The following ADAM30 variants were observed in gnomAD, a reference collection of about 807,000 sequenced individuals.
The protein encoded by ADAM30 is ADAM metallopeptidase domain 30, also known as disintegrin and metalloproteinase domain-containing protein 30.
For synonymous variants in ADAM30, 382 were observed against 340.9 expected (o/e 1.12, Z -1.33); for missense variants, 960 against 959.4 (o/e 1.00, Z -0.01).
Position 119,894,525 on chromosome 1 carries a change from A to C in ADAM30, c.1812T>G (p.Gly604=). The change falls in exon 1 of 1, where the codon GGT becomes GGG. Residue 604 remains glycine (G), a synonymous_variant. Coordinates refer to ENST00000369400, the MANE Select transcript of ADAM30 (RefSeq NM_021794.4). ...SMKPMGIPDL[G]MINDGTSCGE... ...CACAGGAGGTGCCATCATTTATCAT[A>C]CCTAGGTCAGGTATTCCCATGGGTT... 2 of 1,613,976 alleles carry C rather than the reference A, an allele frequency of 1.2e-6. No individual in the cohort carries two copies. The highest frequency in any genetic ancestry group is 1.7e-6 in the Non-Finnish European group (2 of 1,180,028).
Position 119,894,515 on chromosome 1 carries a change from C to CA in ADAM30, c.1821dup (p.Asp608Ter). 1 of 1,614,028 alleles carries CA rather than the reference C, an allele frequency of 6.2e-7. No individual in the cohort carries two copies. Among genetic ancestry groups the CA allele is most frequent in the Non-Finnish European group, 8.5e-7 (1 of 1,180,042 alleles). ...CGGCCTTCTCCACAGGAGGTGCCATCATTTATCATACCTAGGTCAGGTATT... is the reference window on the plus strand; with the variant it reads ...CGGCCTTCTCCACAGGAGGTGCCATCAATTTATCATACCTAGGTCAGGTATT... On this transcript the variant is annotated frameshift_variant, in exon 1 of 1. Coordinates refer to ENST00000369400, the MANE Select transcript of ADAM30 (RefSeq NM_021794.4). LOFTEE classifies it low-confidence loss of function (END_TRUNC).
Position 119,893,950 on chromosome 1 carries a change from T to C in ADAM30, c.*14A>G, listed in dbSNP as rs763234243. The C allele has an allele frequency of 8.9e-5, 142 of 1,599,618 alleles. No homozygotes were observed. In the Admixed American group the frequency reaches 2.5e-3, roughly 28 times the overall value. ...AAATGAGCCTGTGTTACTGAATGAG[T>C]ATGGATTGCCCGGTTACTTTTTTTG... On this transcript the variant is annotated 3_prime_UTR_variant, in exon 1 of 1. Coordinates refer to ENST00000369400, the MANE Select transcript of ADAM30 (RefSeq NM_021794.4).
Position 119,894,369 on chromosome 1 carries a change from C to T in ADAM30, c.1968G>A (p.Trp656Ter), listed in dbSNP as rs1365625701. Reference protein sequence around the residue: ...NRKNCHCMYGWAPPFCEEVGY... With the variant: ...NRKNCHCMYG ...CCACTTCCTCACAGAATGGAGGTGC[C>T]CACCCATACATGCAGTGGCAGTTTT... Residue 656 changes from tryptophan to a stop codon, truncating the protein, a stop_gained, in exon 1 of 1, where the codon TGG becomes TGA. Coordinates refer to ENST00000369400, the MANE Select transcript of ADAM30 (RefSeq NM_021794.4). LOFTEE classifies it low-confidence loss of function (END_TRUNC). The T allele has an allele frequency of 1.2e-6, 2 of 1,614,058 alleles. No homozygotes were observed. The highest frequency in any genetic ancestry group is 1.7e-6 in the Non-Finnish European group (2 of 1,180,044).
In ADAM30 at chr1:119,896,166, A is replaced by C. The variant is rs1648584315; in HGVS notation, c.171T>G (p.Gly57=). 1.2e-6 allele frequency: 2 copies of C among 1,614,036 alleles called. No individual in the cohort carries two copies. Among genetic ancestry groups the C allele is most frequent in the Non-Finnish European group, 1.7e-6 (2 of 1,180,028 alleles). ...GTAGGTAGGACACGGGACTGACCACACCCTGCACCTCTCCCCGGAAGCTCA... is the reference window on the plus strand; with the variant it reads ...GTAGGTAGGACACGGGACTGACCACCCCCTGCACCTCTCCCCGGAAGCTCA... ...EKLSFRGEVQ[G]VVSPVSYLLQ... The change falls in exon 1 of 1, where the codon GGT becomes GGG. Residue 57 remains glycine, a synonymous_variant. Coordinates refer to ENST00000369400, the MANE Select transcript of ADAM30 (RefSeq NM_021794.4).
chr1:119,894,498 TCC>T lies in ADAM30; in HGVS notation c.1837_1838del (p.Gly613ArgfsTer7). 6 of 1,614,068 alleles carry T rather than the reference TCC, an allele frequency of 3.7e-6. No individual in the cohort carries two copies. The highest frequency in any genetic ancestry group is 5.1e-6 in the Non-Finnish European group (6 of 1,180,036). On this transcript the variant is annotated frameshift_variant, in exon 1 of 1. Transcript: ENST00000369400. LOFTEE classifies it low-confidence loss of function (END_TRUNC). ...LGMINDGTSC[G>X]EGRVCFKKNC... is the part of the protein sequence containing the mutation. ...TTTTTTTAAAACATACCCGGCCTTC[TCC>T]ACAGGAGGTGCCATCATTTATCATA...
At position 119,895,566 on chromosome 1, in the gene ADAM30, T is replaced by C. The variant is rs587720609; in HGVS notation, c.771A>G (p.Thr257=). The C allele has an allele frequency of 6.2e-7, 1 of 1,613,882 alleles. No individual in the cohort carries two copies. Among genetic ancestry groups the C allele is most frequent in the Admixed American group, 1.7e-5 (1 of 60,028 alleles). Residue 257 remains threonine, a synonymous_variant, in exon 1 of 1, where the codon ACA becomes ACG. Transcript: ENST00000369400. ...ATCCAACGCGTATTTTGTTAAAATC[T>C]GTCCATACTTCAAGAGCCTTTAAGT... is the stretch of plus-strand genomic sequence containing the variant. ...RIHLKALEVW[T]DFNKIRVGYP...
chr1:119,894,067 G>T lies in ADAM30; in HGVS notation c.2270C>A (p.Thr757Asn). The stretch of plus-strand genomic sequence containing the variant: ...TTTTGCTTTAGATTCTTCCTGTCCA[G>T]TTTTTGCTTCAGATTCTTCCTGTCC... ...KTGQEESEAK[T>N]GQEESKAKTG... is the part of the protein sequence containing the mutation. The change falls in exon 1 of 1, where the codon ACT (threonine) becomes AAT (asparagine). Residue 757 changes from threonine (T) to asparagine (N), a missense_variant. Physicochemically the swap from Thr to Asn is moderately conservative, Grantham distance 65. Coordinates refer to ENST00000369400, the MANE Select transcript of ADAM30 (RefSeq NM_021794.4). 1 of 1,613,940 alleles carries T rather than the reference G, an allele frequency of 6.2e-7. No homozygotes were observed. The highest frequency in any genetic ancestry group is 8.5e-7 in the Non-Finnish European group (1 of 1,179,926).
chr1:119,894,532 T>C lies in ADAM30; in HGVS notation c.1805A>G (p.Asp602Gly), dbSNP rs1056205764. 2.5e-6 allele frequency: 4 copies of C among 1,613,822 alleles called. No individual in the cohort carries two copies. Among genetic ancestry groups the C allele is most frequent in the African/African-American group, 1.3e-5 (1 of 74,904 alleles). ...GGTGCCATCATTTATCATACCTAGG[T>C]CAGGTATTCCCATGGGTTTCATGGA... ...HLSMKPMGIP[D>G]LGMINDGTSC... Residue 602 changes from aspartate to glycine, a missense_variant, in exon 1 of 1, where the codon GAC (aspartate) becomes GGC (glycine). Asp to Gly is a moderately conservative substitution (Grantham distance 94). Transcript: ENST00000369400.
rs1648574804 is a variant in ADAM30 at position 119,895,984 on chromosome 1, T to A, written c.353A>T (p.Glu118Val). The change falls in exon 1 of 1, where the codon GAG becomes GTG. Residue 118 changes from glutamate to valine, a missense_variant. By Grantham distance (121) the Glu-to-Val change is moderately radical. Coordinates refer to ENST00000369400, the MANE Select transcript of ADAM30 (RefSeq NM_021794.4). The part of the protein sequence containing the change: ...KDCNYMGSVK[E>V]SLDSKATIST... ...TATAGTAGCTTTAGAGTCCAGAGAC[T>A]CTTTCACGGAGCCCATGTAGTTGCA... The A allele has an allele frequency of 5.0e-6, 8 of 1,614,186 alleles. No individual in the cohort carries two copies. The East Asian group carries it at 1.8e-4, about 36-fold the overall frequency.
In ADAM30 at chr1:119,895,238, G is replaced by T; in HGVS notation, c.1099C>A (p.Arg367Ser). 1 of 1,614,118 alleles carries T rather than the reference G, an allele frequency of 6.2e-7. No homozygotes were observed. The highest frequency in any genetic ancestry group is 1.1e-5 in the South Asian group (1 of 91,072). Residue 367 changes from arginine (R) to serine (S), a missense_variant, in exon 1 of 1, where the codon CGC becomes AGC. Physicochemically the swap from Arg to Ser is moderately radical, Grantham distance 110 (BLOSUM62 -1). Transcript: ENST00000369400. The stretch of plus-strand genomic sequence containing the variant: ...TAACTGCAATTGCTAAACCCAGTGC[G>T]TCCTGAGCCCATGATGCAATTAAGC... ...GRLNCIMGSG[R>S]TGFSNCSYIS...
In ADAM30 at chr1:119,895,526, C is replaced by T; in HGVS notation, c.811G>A (p.Glu271Lys). 3.7e-6 allele frequency: 6 copies of T among 1,613,892 alleles called. No homozygotes were observed. The highest frequency in any genetic ancestry group is 5.1e-6 in the Non-Finnish European group (6 of 1,180,028). Residue 271 changes from glutamate (E) to lysine (K), a missense_variant, in exon 1 of 1, where the codon GAA becomes AAA. Glu to Lys is a moderately conservative substitution (Grantham distance 56). Coordinates refer to ENST00000369400, the MANE Select transcript of ADAM30 (RefSeq NM_021794.4). ...KIRVGYPELA[E>K]VLGRFVIYKK... ...TATATTACAAATCTGCCTAAAACTT[C>T]AGCTAACTCTGGATATCCAACGCGT... is the stretch of plus-strand genomic sequence containing the variant.
In ADAM30 at chr1:119,894,045, T is replaced by G. The variant is rs1468508714; in HGVS notation, c.2292A>C (p.Ala764=). The change falls in exon 1 of 1, where the codon GCA becomes GCC. Residue 764 remains alanine, a synonymous_variant. Coordinates refer to ENST00000369400, the MANE Select transcript of ADAM30 (RefSeq NM_021794.4). ...EAKTGQEESK[A]KTGQEESKAN... ...CTTTAGATTCTTCCTGTCCAGTTTT[T>G]GCTTTAGATTCTTCCTGTCCAGTTT... is the stretch of plus-strand genomic sequence containing the variant. The G allele has an allele frequency of 1.2e-6, 2 of 1,614,022 alleles. No homozygotes were observed. The highest frequency in any genetic ancestry group is 2.7e-5 in the African/African-American group (2 of 74,928).
chr1:119,894,375 A>C lies in ADAM30; in HGVS notation c.1962T>G (p.Tyr654Ter). 1 of 1,614,152 alleles carries C rather than the reference A, an allele frequency of 6.2e-7. No individual in the cohort carries two copies. The highest frequency in any genetic ancestry group is 8.5e-7 in the Non-Finnish European group (1 of 1,180,020). Residue 654 changes from tyrosine to a stop codon, truncating the protein, a stop_gained, in exon 1 of 1, where the codon TAT becomes TAG. Coordinates refer to ENST00000369400, the MANE Select transcript of ADAM30 (RefSeq NM_021794.4). LOFTEE classifies it low-confidence loss of function (END_TRUNC). ...CNNRKNCHCM[Y>*]GWAPPFCEEV... The stretch of plus-strand genomic sequence containing the variant: ...CCTCACAGAATGGAGGTGCCCACCC[A>C]TACATGCAGTGGCAGTTTTTTCTGT...
chr1:119,895,394 G>T lies in ADAM30; in HGVS notation c.943C>A (p.Leu315Ile). The T allele has an allele frequency of 6.2e-7, 1 of 1,614,042 alleles. No homozygotes were observed. The highest frequency in any genetic ancestry group is 8.5e-7 in the Non-Finnish European group (1 of 1,180,000). ...LAWSFGKVCS[L>I]EYAGSVSTLL... is the part of the protein sequence containing the mutation. ...GTACTCACTGATCCAGCATATTCTA[G>T]AGAACACACTTTTCCAAACGACCAT... The change falls in exon 1 of 1, where the codon CTA (leucine) becomes ATA (isoleucine). Residue 315 changes from leucine to isoleucine, a missense_variant. Transcript: ENST00000369400.
chr1:119,893,693 T>C lies in ADAM30; in HGVS notation c.*271A>G. The C allele has an allele frequency of 5.8e-6, 3 of 513,262 alleles. No homozygotes were observed. Among genetic ancestry groups the C allele is most frequent in the Admixed American group, 3.9e-5 (1 of 25,440 alleles). The allele number at this position is 513,262 out of a possible 1,614,324, so 31.8% of individuals were successfully genotyped here. A position where few individuals can be genotyped will look rare whatever the true frequency, so the allele number is the denominator to read the frequency against. On this transcript the variant is annotated 3_prime_UTR_variant, in exon 1 of 1. Coordinates refer to ENST00000369400, the MANE Select transcript of ADAM30 (RefSeq NM_021794.4). ...AGCATGGTAATTCTAGGAAACTCACTACTTTCAGAGCTTTAGTGTATGGAA... is the reference window on the plus strand; with the variant it reads ...AGCATGGTAATTCTAGGAAACTCACCACTTTCAGAGCTTTAGTGTATGGAA...
At position 119,895,154 on chromosome 1, in the gene ADAM30, G is replaced by A. The variant is rs1463829848; in HGVS notation, c.1183C>T (p.Leu395=). 8.7e-6 allele frequency: 14 copies of A among 1,614,050 alleles called. No homozygotes were observed. The highest frequency in any genetic ancestry group is 1.1e-5 in the Non-Finnish European group (13 of 1,180,042). The change falls in exon 1 of 1, where the codon CTA becomes TTA. Residue 395 remains leucine (L), a synonymous_variant. Coordinates refer to ENST00000369400, the MANE Select transcript of ADAM30 (RefSeq NM_021794.4). ...CCACATCTCTTAAGCACATAACCTA[G>A]TCCTGGGATATTATTTAGACATGTT... The part of the protein sequence containing the change: ...GATCLNNIPG[L]GYVLKRCGNK...
In ADAM30 at chr1:119,895,030, C is replaced by T. The variant is rs587607904; in HGVS notation, c.1307G>A (p.Gly436Asp). Reference sequence around the variant, plus strand: ...GCAAAGTCCAATGCTACAGTTGGCACCTGGTTGCAACTTACAATTTGATTG... The same window carrying T: ...GCAAAGTCCAATGCTACAGTTGGCATCTGGTTGCAACTTACAATTTGATTG... The part of the protein sequence containing the change: ...CCQSNCKLQP[G>D]ANCSIGLCCH... The change falls in exon 1 of 1, where the codon GGT (glycine) becomes GAT (aspartate). Residue 436 changes from glycine to aspartate, a missense_variant. Coordinates refer to ENST00000369400, the MANE Select transcript of ADAM30 (RefSeq NM_021794.4). The T allele has an allele frequency of 6.2e-7, 1 of 1,614,176 alleles. No individual in the cohort carries two copies. Among genetic ancestry groups the T allele is most frequent in the South Asian group, 1.1e-5 (1 of 91,088 alleles).
Position 119,895,480 on chromosome 1 carries a change from G to A in ADAM30, c.857C>T (p.Ala286Val), listed in dbSNP as rs370658414. 3.1e-6 allele frequency: 5 copies of A among 1,613,768 alleles called. No homozygotes were observed. The highest frequency in any genetic ancestry group is 2.5e-6 in the Non-Finnish European group (3 of 1,180,012). Residue 286 changes from alanine to valine, a missense_variant, in exon 1 of 1, where the codon GCT (alanine) becomes GTT (valine). Transcript: ENST00000369400. ...FVIYKKSVLNARLSSDWAHLY... is the reference protein window; with the variant it reads ...FVIYKKSVLNVRLSSDWAHLY... ...ATGTGCCCAATCTGATGACAGGCGA[G>A]CATTTAATACACTTTTTTTATATAT... is the stretch of plus-strand genomic sequence containing the variant.
Position 119,893,683 on chromosome 1 carries a change from G to C in ADAM30, c.*281C>G. 1 of 481,830 alleles carries C rather than the reference G, an allele frequency of 2.1e-6. No homozygotes were observed. The highest frequency in any genetic ancestry group is 3.5e-6 in the Non-Finnish European group (1 of 285,262). The allele number at this position is 481,830 out of a possible 1,614,324, so 29.8% of individuals were successfully genotyped here. A position where few individuals can be genotyped will look rare whatever the true frequency, so the allele number is the denominator to read the frequency against. ...TACCTTGAATAGCATGGTAATTCTA[G>C]GAAACTCACTACTTTCAGAGCTTTA... On this transcript the variant is annotated 3_prime_UTR_variant, in exon 1 of 1. Transcript: ENST00000369400.
Sources: gnomAD v4.1 joint callset for allele counts on GRCh38, gnomAD v4.1.1 for gene constraint, MANE v1.5 for transcripts, NCBI Gene and HGNC (gene_info 2026-07-23, HGNC 2026-07-21) for gene names.